CNTNAP2: variants seen among roughly 807,000 people sequenced by gnomAD.
CNTNAP2 encodes contactin associated protein 2, also known as contactin-associated protein-like 2.
In CNTNAP2, 98 loss-of-function variants were observed where a neutral mutation model predicts 155.2. That is an observed-to-expected ratio of 0.63 (90% CI 0.54 to 0.75). The LOEUF is 0.75. CNTNAP2 is among the 30% of genes least tolerant of loss of function. CNTNAP2 has a pLI of 0.00. For missense variants in CNTNAP2, 1,727 were observed against 1,688.1 expected, an observed-to-expected ratio of 1.02 and a Z score of -0.40; for synonymous variants, 651 against 631.2, an observed-to-expected ratio of 1.03 and a Z score of -0.47.
intron 8 of CNTNAP2, among the ~76,000 whole-genome samples, chr7:147,246,292 AC>A (rs552853358): frequency 6.6e-6 from 1 of 152,004 alleles, no homozygotes; most frequent in Non-Finnish European, 1.5e-5. Context: ...GGGGAGGTCA[AC>A]CTTTGGTTCT....
chr7:146,307,087 G>A (rs1018213458), intron 1 of CNTNAP2, among the ~76,000 whole-genome samples: 6 of 152,088 alleles, frequency 3.9e-5, no homozygotes, highest in Admixed American at 1.3e-4. Context: ...AAACCCCATC[G>A]TCTCAGCCCA....
At chr7:146,759,850 A>G (rs1802061296) in intron 1 of CNTNAP2, among the ~76,000 whole-genome samples, 1 of 152,174 alleles carries the variant, frequency 6.6e-6, no homozygotes, top group South Asian at 2.1e-4. Context: ...ACCAATTAAT[A>G]AAGCCATATT....
At chr7:146,402,441 C>G (rs142368523) in intron 1 of CNTNAP2, among the ~76,000 whole-genome samples, 1 of 152,014 alleles carries the variant, frequency 6.6e-6, no homozygotes, top group African/African-American at 2.4e-5. Context: ...TCATCAATAG[C>G]CATTGTTCTT....
Position 146,677,726 on chromosome 7 carries a change from T to A in CNTNAP2, c.98-96545T>A, listed in dbSNP as rs548314490. 9.9e-5 allele frequency among the ~76,000 whole-genome samples: 15 copies of A among 151,954 alleles called. No homozygotes were observed. The East Asian group carries it at 2.1e-3, about 22-fold the overall frequency. Reference sequence around the variant, plus strand: ...TTAGGAGAAAGAGGCAGTTCCTGAATTGTTTACTAAGAATTTACATAAAAA... The same window carrying A: ...TTAGGAGAAAGAGGCAGTTCCTGAAATGTTTACTAAGAATTTACATAAAAA... On this transcript the variant is annotated intron_variant, in intron 1 of 23. Transcript: ENST00000361727.
intron 12 of CNTNAP2, among the ~76,000 whole-genome samples, chr7:147,610,989 C>T (rs187348158): frequency 6.6e-6 from 1 of 152,254 alleles, no homozygotes; most frequent in East Asian, 1.9e-4. Context: ...ATCTGCCCAC[C>T]TCAGCCTCCC....
chr7:146,193,842 C>G (rs1352073309), intron 1 of CNTNAP2, among the ~76,000 whole-genome samples: 2 of 152,180 alleles, frequency 1.3e-5, no homozygotes, highest in East Asian at 3.9e-4. Flanking sequence ...GCTCTGCTTC[C>G]TCTTAATCAC....
At chr7:148,134,656 CTT>C (rs778054179) in intron 16 of CNTNAP2, among the ~76,000 whole-genome samples, 5 of 152,050 alleles carry the variant, frequency 3.3e-5, no homozygotes, top group Non-Finnish European at 7.4e-5. Flanking sequence ...AAAATAATAT[CTT>C]ATTTTGATAA....
intron 1 of CNTNAP2, among the ~76,000 whole-genome samples, chr7:146,164,485 T>G (rs1183352876): frequency 6.6e-6 from 1 of 152,168 alleles, no homozygotes; most frequent in African/African-American, 2.4e-5. Flanking sequence ...ATTGTAGAGT[T>G]TATTTTGTTA....
chr7:146,818,252 CAA>C (rs2129195464), intron 2 of CNTNAP2, among the ~76,000 whole-genome samples: 1 of 152,222 alleles, frequency 6.6e-6, no homozygotes, highest in African/African-American at 2.4e-5. Context: ...CAAATAATAT[CAA>C]GAGACTGTTA....
chr7:148,179,456 G>A (rs569502985), intron 18 of CNTNAP2, among the ~76,000 whole-genome samples: 3 of 151,660 alleles, frequency 2.0e-5, no homozygotes, highest in Admixed American at 1.3e-4. Flanking sequence ...TCAATCAGCC[G>A]AGATTGTGCC....
chr7:148,375,293 T>C (rs1255312358), intron 21 of CNTNAP2, among the ~76,000 whole-genome samples: 1 of 148,122 alleles, frequency 6.8e-6, no homozygotes, highest in Non-Finnish European at 1.5e-5. Context: ...TATACAACTA[T>C]ATAAATATAT....
chr7:148,325,992 T>A (rs951712339), intron 21 of CNTNAP2, among the ~76,000 whole-genome samples: 18 of 152,210 alleles, frequency 1.2e-4, no homozygotes, highest in South Asian at 8.3e-4. Context: ...TACCTCCTTC[T>A]GTTTTTGGAC....
At chr7:147,179,201 A>G (rs763317961) in intron 8 of CNTNAP2, among the ~76,000 whole-genome samples, 5 of 152,240 alleles carry the variant, frequency 3.3e-5, no homozygotes, top group Admixed American at 1.3e-4. Context: ...ACAATTATAT[A>G]TCAAACTTGG....
chr7:146,124,052 A>C (rs1797601031), intron 1 of CNTNAP2, among the ~76,000 whole-genome samples: 1 of 152,120 alleles, frequency 6.6e-6, no homozygotes, highest in South Asian at 2.1e-4. Flanking sequence ...GAATAATGAG[A>C]ACACCTCAGC....
intron 5 of CNTNAP2, among the ~76,000 whole-genome samples, chr7:147,113,887 T>C (rs1366527584): frequency 6.6e-6 from 1 of 152,214 alleles, no homozygotes; most frequent in Non-Finnish European, 1.5e-5. Flanking sequence ...GGTTCTCTAA[T>C]TCTTTTAGTT....
At chr7:146,619,116 C>T (rs1201532703) in intron 1 of CNTNAP2, among the ~76,000 whole-genome samples, 1 of 150,922 alleles carries the variant, frequency 6.6e-6, no homozygotes, top group African/African-American at 2.4e-5. Context: ...ATAAAAAAGT[C>T]ACTTTAAAAA....
intron 3 of CNTNAP2, among the ~76,000 whole-genome samples, chr7:146,892,205 G>A (rs1795792164): frequency 6.6e-6 from 1 of 152,154 alleles, no homozygotes; most frequent in Non-Finnish European, 1.5e-5. Context: ...TATCAGCTGA[G>A]AGCTCATCTG....
intron 15 of CNTNAP2, among the ~76,000 whole-genome samples, chr7:148,053,019 G>C (rs2710131): frequency 0.77 from 116,801 of 152,182 alleles, 45,768 homozygotes; most frequent in African/African-American, 0.93. Flanking sequence ...TGCACTCTAG[G>C]CTGGGTGACA....
chr7:146,118,461 A>G (rs1238540267), intron 1 of CNTNAP2, among the ~76,000 whole-genome samples: 1 of 152,156 alleles, frequency 6.6e-6, no homozygotes, highest in African/African-American at 2.4e-5. Context: ...AACTAGTTTG[A>G]TGAAATTTCT....
Sources: gnomAD v4.1 joint callset for allele counts (sites outside exome capture counted in the v4.1 genomes callset) on GRCh38, gnomAD v4.1.1 for gene constraint, MANE v1.5 for transcripts, NCBI Gene and HGNC (gene_info 2026-07-23, HGNC 2026-07-21) for gene names.